SPATA18: variants seen among roughly 807,000 people sequenced by gnomAD.
The protein encoded by SPATA18 is spermatogenesis associated 18.
A neutral mutation model predicts 68.1 loss-of-function variants in SPATA18; 54 were observed. The ratio of observed to expected loss-of-function variants is 0.79; its 90% CI spans 0.64 to 0.99. The LOEUF is 0.99. Ranked by LOEUF, SPATA18 falls within the 50% of genes least tolerant of loss-of-function variation. The probability of loss-of-function intolerance (pLI) is 0.00; values close to 1 mark genes in which losing one functional copy is unlikely to be tolerated. For synonymous variants in SPATA18, 242 were observed against 244.8 expected, an observed-to-expected ratio of 0.99 and a Z score of 0.11; for missense variants, 724 against 681.1, an observed-to-expected ratio of 1.06 and a Z score of -0.70.
chr4:52,075,261 G>C (rs1006081433), intron 6 of SPATA18, among the ~76,000 whole-genome samples: 3 of 152,098 alleles, frequency 2.0e-5, no homozygotes, highest in Non-Finnish European at 4.4e-5. Flanking sequence ...TGACAGGCCC[G>C]TGTTCTGTTA....
At chr4:52,057,297 T>G (rs55694005) in intron 1 of SPATA18, among the ~76,000 whole-genome samples, 65,240 of 151,874 alleles carry the variant, frequency 0.43, 16,675 homozygotes, top group Non-Finnish European at 0.57. Flanking sequence ...TTGGAGACAG[T>G]ATAATTAGTC....
In SPATA18 at chr4:52,093,154, A is replaced by G. The variant is rs574762191; in HGVS notation, c.1564-1373A>G. ...CTAAACTTAAAAAGAAAAATAAAAT[A>G]TAGGAAAGAGAAAGATTATTATGAT... is the stretch of plus-strand genomic sequence containing the variant. On this transcript the variant is annotated intron_variant, in intron 11 of 12. Transcript: ENST00000295213. 1.6e-4 allele frequency among the ~76,000 whole-genome samples: 24 copies of G among 152,328 alleles called. No homozygotes were observed. In the South Asian group the frequency reaches 3.9e-3, roughly 25 times the overall value.
chr4:52,082,792 TA>T (rs1741059740), intron 10 of SPATA18: 1 of 1,227,514 alleles, frequency 8.1e-7, no homozygotes, highest in South Asian at 1.7e-5. Context: ...TATAATATTT[TA>T]AAAACAAAGC....
chr4:52,073,556 G>A (rs35269664), intron 6 of SPATA18, among the ~76,000 whole-genome samples: 19,647 of 152,160 alleles, frequency 0.13, 1,496 homozygotes, highest in South Asian at 0.27. Flanking sequence ...AAGATTGCTT[G>A]AGCCCAGGAG....
intron 1 of SPATA18, among the ~76,000 whole-genome samples, chr4:52,053,565 CATCTTTCA>C (rs1279342366): frequency 1.3e-5 from 2 of 152,170 alleles, no homozygotes; most frequent in African/African-American, 4.8e-5. Context: ...GCCCATTGGA[CATCTTTCA>C]ATAGTGAATG....
rs749534874 is a variant in SPATA18 at position 52,084,894 on chromosome 4, CTCTT to C, written c.1480-18_1480-15del. On this transcript the variant is annotated intron_variant, in intron 10 of 12. Coordinates refer to ENST00000295213, the MANE Select transcript of SPATA18 (RefSeq NM_145263.4). The stretch of plus-strand genomic sequence containing the variant: ...TTCACAAACTCCTGACTATGTCTCT[CTCTT>C]TCTCTCTCTTTTTTAAGTGGAATTC... 2 of 1,612,400 alleles carry C rather than the reference CTCTT, an allele frequency of 1.2e-6. No individual in the cohort carries two copies. The highest frequency in any genetic ancestry group is 1.7e-6 in the Non-Finnish European group (2 of 1,178,652).
At chr4:52,058,863 C>T (rs1738584545) in intron 1 of SPATA18, among the ~76,000 whole-genome samples, 1 of 152,198 alleles carries the variant, frequency 6.6e-6, no homozygotes, top group Non-Finnish European at 1.5e-5. Flanking sequence ...AGTTACTTAA[C>T]CTCTCTGTGC....
intron 4 of SPATA18, among the ~76,000 whole-genome samples, chr4:52,063,379 T>C (rs1213798103): frequency 2.0e-5 from 3 of 152,228 alleles, no homozygotes; most frequent in African/African-American, 7.2e-5. Context: ...TATATTTTAC[T>C]CCAGACATTT....
chr4:52,093,866 T>TA (rs1317323767), intron 11 of SPATA18, among the ~76,000 whole-genome samples: 1 of 152,230 alleles, frequency 6.6e-6, no homozygotes, highest in Non-Finnish European at 1.5e-5. Context: ...TCTGTCTGTT[T>TA]CCATCATCCT....
At chr4:52,093,308 T>C (rs568050716) in intron 11 of SPATA18, among the ~76,000 whole-genome samples, 7 of 152,228 alleles carry the variant, frequency 4.6e-5, no homozygotes, top group African/African-American at 1.7e-4. Flanking sequence ...CCTCCCAGAT[T>C]TGGTCATGAG....
chr4:52,079,979 T>C, intron 9 of SPATA18, 60 bp downstream of exon 9: 1 of 1,540,770 alleles, frequency 6.5e-7, no homozygotes, highest in Non-Finnish European at 8.7e-7. Flanking sequence ...CTTGTCTGTT[T>C]CCTGAAAACA....
At chr4:52,085,052 T>C in intron 11 of SPATA18, 53 bp downstream of exon 11, 1 of 1,414,098 alleles carries the variant, frequency 7.1e-7, no homozygotes, top group Non-Finnish European at 9.8e-7. Flanking sequence ...GTTGGCTTTT[T>C]TTTTTTTTTG....
rs980746463 is a variant in SPATA18 at position 52,095,404 on chromosome 4, G to C, written c.*517G>C. The C allele has an allele frequency of 6.5e-6, 1 of 154,416 alleles. No homozygotes were observed. The highest frequency in any genetic ancestry group is 1.4e-5 in the Non-Finnish European group (1 of 69,654). 9.6% of individuals were successfully genotyped at this position (154,416 alleles called of 1,614,324 possible). A position where few individuals can be genotyped will look rare whatever the true frequency, so the allele number is the denominator to read the frequency against. ...ATCTCAGGTTGGGGAGCTCATGTTA[G>C]TAGCAGTGACTTAAGGCTAAGTGTA... On this transcript the variant is annotated 3_prime_UTR_variant, in exon 13 of 13. Transcript: ENST00000295213.
At chr4:52,081,351 T>C (rs1259527005) in intron 9 of SPATA18, among the ~76,000 whole-genome samples, 1 of 152,246 alleles carries the variant, frequency 6.6e-6, no homozygotes, top group Non-Finnish European at 1.5e-5. Flanking sequence ...TTCTAGAACT[T>C]CACAGAACAA....
chr4:52,072,528 G>A (rs1016445537), intron 6 of SPATA18, among the ~76,000 whole-genome samples: 3 of 151,944 alleles, frequency 2.0e-5, no homozygotes, highest in Admixed American at 6.6e-5. Context: ...TCAGCCTCCC[G>A]ACTAGCTGGG....
intron 4 of SPATA18, among the ~76,000 whole-genome samples, chr4:52,062,880 ATC>A (rs1465524816): frequency 6.6e-6 from 1 of 152,226 alleles, no homozygotes; most frequent in Non-Finnish European, 1.5e-5. Context: ...ATTTTGCAAT[ATC>A]TATTAGGTAT....
chr4:52,083,443 T>A, intron 10 of SPATA18: 9 of 985,444 alleles, frequency 9.1e-6, no homozygotes, highest in Non-Finnish European at 1.1e-5. Flanking sequence ...CTTAAAATGT[T>A]TTGTTCCATA....
intron 11 of SPATA18, among the ~76,000 whole-genome samples, chr4:52,093,495 G>C (rs1335667893): frequency 6.6e-6 from 1 of 152,162 alleles, no homozygotes; most frequent in Non-Finnish European, 1.5e-5. Context: ...TTTTCATATA[G>C]CATCATTATC....
chr4:52,075,967 G>T (rs1026292185), intron 6 of SPATA18, among the ~76,000 whole-genome samples: 1 of 152,198 alleles, frequency 6.6e-6, no homozygotes. Context: ...AACTTAGAGG[G>T]ATCCAGGCTA....
Sources: allele counts gnomAD v4.1 joint callset (sites outside exome capture counted in the v4.1 genomes callset), GRCh38; gene constraint gnomAD v4.1.1; transcripts MANE v1.5; gene names NCBI Gene and HGNC (gene_info 2026-07-23, HGNC 2026-07-21).